TSHZ2: variants seen among roughly 807,000 people sequenced by gnomAD.
TSHZ2 encodes the protein teashirt homolog 2.
In TSHZ2, 21 loss-of-function variants were observed where a neutral mutation model predicts 74.4. That is an observed-to-expected ratio of 0.28 (90% CI 0.20 to 0.41). The LOEUF (loss-of-function observed/expected upper bound fraction) is 0.41, where lower values mean the gene tolerates loss of function less well. Ranked by LOEUF, TSHZ2 falls within the 10% of genes least tolerant of loss-of-function variation. The probability of loss-of-function intolerance (pLI) is 1.00; values close to 1 mark genes in which losing one functional copy is unlikely to be tolerated. For synonymous variants in TSHZ2, 540 were observed against 515.3 expected (o/e 1.05, Z -0.65); for missense variants, 1,244 against 1,293.5 (o/e 0.96, Z 0.59).
chr20:53,249,290 C>G (rs1477197836), intron 1 of TSHZ2, among the ~76,000 whole-genome samples: 2 of 152,158 alleles, frequency 1.3e-5, no homozygotes, highest in African/African-American at 2.4e-5. Flanking sequence ...CTGGAATAAT[C>G]CTTTTTACTG....
intron 1 of TSHZ2, among the ~76,000 whole-genome samples, chr20:53,050,124 T>TAC (rs376452454): frequency 8.4e-5 from 9 of 107,236 alleles, no homozygotes; most frequent in Non-Finnish European, 6.6e-5. Context: ...TATATATATA[T>TAC]ACACATATAT....
In TSHZ2 at chr20:53,256,374, C is replaced by T. The variant is rs2123729284; in HGVS notation, c.2916C>T (p.Ser972=). Residue 972 remains serine (S), a synonymous_variant, in exon 2 of 3, where the codon TCC becomes TCT. Coordinates refer to ENST00000371497, the MANE Select transcript of TSHZ2 (RefSeq NM_173485.6). This position sits in a 1 kb window ranked among gnomAD's most constrained non-coding sequence, Gnocchi z 4.3. The stretch of plus-strand genomic sequence containing the variant: ...AAAGCAAGGTGGAGCAAGAGATCTC[C>T]CGGGTATCGTCGGCTCAGAGGTCTC... ...DQQSKVEQEI[S]RVSSAQRSPE... The T allele has an allele frequency of 6.2e-7, 1 of 1,613,270 alleles. No homozygotes were observed. The highest frequency in any genetic ancestry group is 1.1e-5 in the South Asian group (1 of 91,040).
intron 1 of TSHZ2, among the ~76,000 whole-genome samples, chr20:53,190,127 ATATATATAT>A (rs1988700515): frequency 1.1e-5 from 1 of 90,660 alleles, no homozygotes; most frequent in Non-Finnish European, 2.1e-5. Context: ...ATATATATAT[ATATATATAT>A]ATTTTCTTAA....
rs574310760 is a variant in TSHZ2 at position 53,127,452 on chromosome 20, C to T, written c.41-126047C>T. Among the ~76,000 whole-genome samples the T allele has an allele frequency of 2.0e-5, 3 of 152,314 alleles. No homozygotes were observed. In the South Asian group the frequency reaches 6.2e-4, roughly 32 times the overall value. On this transcript the variant is annotated intron_variant, in intron 1 of 2. Transcript: ENST00000371497. ...GGCATAGTGGCGCACGCCTGTAATC[C>T]CCCAATGCTTTCGGAAGCCCAGGTG...
intron 2 of TSHZ2, among the ~76,000 whole-genome samples, chr20:53,407,755 C>T (rs1982903931): frequency 6.6e-6 from 1 of 152,132 alleles, no homozygotes; most frequent in Non-Finnish European, 1.5e-5. Context: ...TGCAGGTTGC[C>T]CATTTCTGCT....
intron 2 of TSHZ2, among the ~76,000 whole-genome samples, chr20:53,262,056 A>G (rs536767398): frequency 6.6e-6 from 1 of 152,240 alleles, no homozygotes; most frequent in Non-Finnish European, 1.5e-5. Flanking sequence ...TTTCTCCATA[A>G]AGATCTCTCA....
Position 53,253,972 on chromosome 20 carries a change from G to A in TSHZ2, c.514G>A (p.Ala172Thr). ...NKSDFDWHQD[A>T]LSKSLQQNLP... ...GAGTGATTTTGATTGGCACCAAGAC[G>A]CTCTGTCCAAAAGCCTGCAGCAGAA... Residue 172 changes from alanine (A) to threonine (T), a missense_variant, in exon 2 of 3, where the codon GCT becomes ACT. Transcript: ENST00000371497. 6.2e-7 allele frequency: 1 copy of A among 1,614,092 alleles called. No individual in the cohort carries two copies. The highest frequency in any genetic ancestry group is 2.2e-5 in the East Asian group (1 of 44,874).
In TSHZ2 at chr20:53,326,959, CA is replaced by C. The variant is rs536027574; in HGVS notation, c.*8+70390del. 7.0e-4 allele frequency among the ~76,000 whole-genome samples: 107 copies of C among 152,156 alleles called. 1 individual carries two copies. The Middle Eastern group carries it at 0.014, about 19-fold the overall frequency. On this transcript the variant is annotated intron_variant, in intron 2 of 2. Coordinates refer to ENST00000371497, the MANE Select transcript of TSHZ2 (RefSeq NM_173485.6). ...AAGTTCAGATGTCCCTGGAAAGATC[CA>C]AGGAGGAAATATTTGAAATAGAGCT...
At chr20:53,303,563 A>G (rs1188915775) in intron 2 of TSHZ2, among the ~76,000 whole-genome samples, 1 of 152,330 alleles carries the variant, frequency 6.6e-6, no homozygotes, top group East Asian at 1.9e-4. Context: ...GATATGCTCA[A>G]ACTCCCACCC....
chr20:53,324,584 T>C (rs12480439), intron 2 of TSHZ2, among the ~76,000 whole-genome samples: 39 of 152,134 alleles, frequency 2.6e-4, no homozygotes, highest in South Asian at 2.3e-3. Flanking sequence ...CCGTGTTGCT[T>C]AGGCTGGTCT....
At chr20:53,328,043 C>G (rs535670403) in intron 2 of TSHZ2, among the ~76,000 whole-genome samples, 1 of 152,112 alleles carries the variant, frequency 6.6e-6, no homozygotes, top group Non-Finnish European at 1.5e-5. Context: ...CAAAGTGAAG[C>G]CTTGGGAGTC....
chr20:53,029,608 G>A (rs1983564985), intron 1 of TSHZ2, among the ~76,000 whole-genome samples: 1 of 152,190 alleles, frequency 6.6e-6, no homozygotes, highest in South Asian at 2.1e-4. Flanking sequence ...CCCTGGAGGT[G>A]GAGATTGCAG....
intron 1 of TSHZ2, among the ~76,000 whole-genome samples, chr20:53,114,112 GAAAGA>G (rs754904409): frequency 1.4e-5 from 2 of 147,724 alleles, no homozygotes; most frequent in African/African-American, 5.0e-5. Flanking sequence ...AAAAAAAAAA[GAAAGA>G]AAAAAAAAAT....
At chr20:53,390,471 T>C (rs1020426178) in intron 2 of TSHZ2, among the ~76,000 whole-genome samples, 2 of 152,216 alleles carry the variant, frequency 1.3e-5, no homozygotes, top group African/African-American at 4.8e-5. Flanking sequence ...TTTATTGTTA[T>C]CTCCATGCTT....
intron 1 of TSHZ2, among the ~76,000 whole-genome samples, chr20:52,976,620 T>C (rs1981349711): frequency 1.3e-5 from 2 of 152,230 alleles, no homozygotes; most frequent in Non-Finnish European, 2.9e-5. Flanking sequence ...AATTTAAAAT[T>C]GTAGACTTAG....
chr20:53,459,223 T>C (rs1487805492), intron 2 of TSHZ2, among the ~76,000 whole-genome samples: 1 of 152,190 alleles, frequency 6.6e-6, no homozygotes, highest in East Asian at 1.9e-4. Flanking sequence ...AGGACATGCT[T>C]TATGAATCTG....
At chr20:53,386,746 T>C (rs1982060264) in intron 2 of TSHZ2, among the ~76,000 whole-genome samples, 1 of 152,158 alleles carries the variant, frequency 6.6e-6, no homozygotes, top group African/African-American at 2.4e-5. Flanking sequence ...AGAGGCCTGC[T>C]CCCAGAAGGC....
At chr20:53,360,558 A>G (rs1568884497) in intron 2 of TSHZ2, among the ~76,000 whole-genome samples, 3 of 152,188 alleles carry the variant, frequency 2.0e-5, no homozygotes. Context: ...AACGAGTGAT[A>G]TTTCATGGTT....
At chr20:53,182,052 C>T (rs1988481916) in intron 1 of TSHZ2, among the ~76,000 whole-genome samples, 1 of 152,178 alleles carries the variant, frequency 6.6e-6, no homozygotes, top group South Asian at 2.1e-4. Flanking sequence ...CCATCAAACA[C>T]CTACTACGTG....
Sources: allele counts gnomAD v4.1 joint callset (sites outside exome capture counted in the v4.1 genomes callset), GRCh38; gene constraint gnomAD v4.1.1; non-coding constraint Gnocchi (gnomAD v3.1); transcripts MANE v1.5; gene names NCBI Gene and HGNC (gene_info 2026-07-23, HGNC 2026-07-21).